Variants in DGKH observed in about 807,000 individuals in gnomAD.
The protein encoded by DGKH is diacylglycerol kinase eta.
DGKH carries 90 observed loss-of-function variants against 159.3 expected under a neutral mutation model. That is an observed-to-expected ratio of 0.57 (90% CI 0.48 to 0.67). The LOEUF is 0.67. DGKH is among the 30% of genes least tolerant of loss of function. DGKH has a pLI of 0.00. For synonymous variants in DGKH, 536 were observed against 553.8 expected (o/e 0.97, Z 0.45); for missense variants, 1,181 against 1,506.1 (o/e 0.78, Z 3.57).
At chr13:42,171,572 C>G (rs546625219) in intron 11 of DGKH, among the ~76,000 whole-genome samples, 1 of 152,310 alleles carries the variant, frequency 6.6e-6, no homozygotes, top group East Asian at 1.9e-4. Context: ...ATTTAACTGT[C>G]TTTGACCAGA....
chr13:42,213,444 A>T (rs1343289291), intron 24 of DGKH, among the ~76,000 whole-genome samples: 2 of 152,168 alleles, frequency 1.3e-5, no homozygotes, highest in African/African-American at 4.8e-5. Context: ...TTCAGTAGGC[A>T]ATTAGAAATG....
intron 1 of DGKH, chr13:42,043,620 T>C (rs1381033922): frequency 2.0e-5 from 3 of 152,222 alleles, no homozygotes; most frequent in South Asian, 2.1e-4. Flanking sequence ...GTCAGAGTTA[T>C]GTAAAATTTG....
upstream of DGKH, chr13:42,044,302 C>T (rs1279245712): frequency 2.0e-5 from 2 of 102,028 alleles, no homozygotes; most frequent in African/African-American, 8.3e-5. Flanking sequence ...TTTTCTTTTT[C>T]TTCTTCTTTT....
intron 29 of DGKH, among the ~76,000 whole-genome samples, chr13:42,228,846 T>G (rs901293451): frequency 6.6e-6 from 1 of 152,074 alleles, no homozygotes; most frequent in Admixed American, 6.6e-5. Flanking sequence ...TTTGTACCAG[T>G]TGGGAATTCT....
chr13:42,122,923 C>T (rs146128103), intron 1 of DGKH, among the ~76,000 whole-genome samples: 1 of 152,276 alleles, frequency 6.6e-6, no homozygotes, highest in Non-Finnish European at 1.5e-5. Context: ...ATTATAATTA[C>T]TTTAGCCAAA....
chr13:42,135,491 G>GAAAAAAAAAAAAAAA (rs757279736), intron 3 of DGKH, among the ~76,000 whole-genome samples: 26 of 68,958 alleles, frequency 3.8e-4, no homozygotes, highest in Non-Finnish European at 5.7e-4. Context: ...CCCTGTCTCA[G>GAAAAAAAAAAAAAAA]AAAAAAAAAA....
intron 5 of DGKH, among the ~76,000 whole-genome samples, chr13:42,158,325 A>C (rs1362816642): frequency 1.3e-5 from 2 of 152,242 alleles, no homozygotes; most frequent in Admixed American, 1.3e-4. Context: ...CACTTACCTT[A>C]GTATGTTTCC....
At chr13:42,192,297 T>G (rs1471293539) in intron 16 of DGKH, among the ~76,000 whole-genome samples, 1 of 152,210 alleles carries the variant, frequency 6.6e-6, no homozygotes, top group Non-Finnish European at 1.5e-5. Context: ...CCACTCACTT[T>G]CAATACATCC....
intron 20 of DGKH, among the ~76,000 whole-genome samples, chr13:42,202,305 C>G (rs561719953): frequency 1.3e-5 from 2 of 152,162 alleles, no homozygotes; most frequent in East Asian, 3.8e-4. Flanking sequence ...ATTCATTTTT[C>G]TGATGATGGT....
At chr13:42,167,370 T>A (rs1212493892) in intron 9 of DGKH, among the ~76,000 whole-genome samples, 1 of 152,224 alleles carries the variant, frequency 6.6e-6, no homozygotes, top group African/African-American at 2.4e-5. Context: ...CACCATTACC[T>A]TAAAGCATGA....
intron 11 of DGKH, among the ~76,000 whole-genome samples, chr13:42,171,939 C>T (rs1176056495): frequency 6.0e-5 from 9 of 150,756 alleles, no homozygotes; most frequent in Non-Finnish European, 2.9e-5. Flanking sequence ...ACGCCATTCT[C>T]CTGCCTCAGC....
Position 42,210,707 on chromosome 13 carries a change from A to G in DGKH, c.2956A>G (p.Thr986Ala). The change falls in exon 24 of 30, where the codon ACA (threonine) becomes GCA (alanine). Residue 986 changes from threonine to alanine, a missense_variant. Coordinates refer to ENST00000337343, the MANE Select transcript of DGKH (RefSeq NM_178009.5). Reference sequence around the variant, plus strand: ...CATCCATCACGCCATTGACTTGGCAACAGAAGAGGTGTCGCAGATGCAGCT... The same window carrying G: ...CATCCATCACGCCATTGACTTGGCAGCAGAAGAGGTGTCGCAGATGCAGCT... ...LYIHHAIDLA[T>A]EEVSQMQLCS... 6.2e-7 allele frequency: 1 copy of G among 1,612,344 alleles called. No homozygotes were observed. The highest frequency in any genetic ancestry group is 8.5e-7 in the Non-Finnish European group (1 of 1,179,948).
At position 42,233,624 on chromosome 13, in the gene DGKH, C is replaced by T. The variant is rs1035890860; in HGVS notation, c.*4436C>T. The T allele has an allele frequency of 1.3e-5, 2 of 152,192 alleles. No homozygotes were observed. Among genetic ancestry groups the T allele is most frequent in the African/African-American group, 4.8e-5 (2 of 41,428 alleles). 9.4% of individuals were successfully genotyped at this position (152,192 alleles called of 1,614,324 possible). On this transcript the variant is annotated 3_prime_UTR_variant, in exon 30 of 30. Transcript: ENST00000337343. ...TGGTTCTAGATGAGCCCTACCTACC[C>T]AGTGGTTGTATTTTTGTAGCCAGTG...
At chr13:42,083,078 C>T (rs904433726) in intron 1 of DGKH, among the ~76,000 whole-genome samples, 2 of 152,086 alleles carry the variant, frequency 1.3e-5, no homozygotes, top group African/African-American at 2.4e-5. Context: ...TAGTAACTGA[C>T]TTGAAAGTAT....
intron 26 of DGKH, among the ~76,000 whole-genome samples, chr13:42,217,909 C>G (rs1957844246): frequency 6.6e-6 from 1 of 152,136 alleles, no homozygotes; most frequent in Non-Finnish European, 1.5e-5. Flanking sequence ...TGGCATGCGC[C>G]TGTAAACCCA....
intron 12 of DGKH, 60 bp from the exon 13 acceptor site, chr13:42,178,075 A>C (rs1201497729): frequency 3.1e-6 from 4 of 1,303,624 alleles, no homozygotes; most frequent in Admixed American, 2.0e-5. Context: ...TGGAGCAGCA[A>C]TAAGTGAGTT....
At chr13:42,127,394 T>C (rs1033736247) in intron 1 of DGKH, 69 bp from the exon 2 acceptor site, 25 of 1,104,066 alleles carry the variant, frequency 2.3e-5, no homozygotes, top group Non-Finnish European at 3.2e-5. Context: ...AAATGCACCA[T>C]TGGCTCTGAA....
intron 1 of DGKH, among the ~76,000 whole-genome samples, chr13:42,051,564 A>G (rs999321731): frequency 6.6e-6 from 1 of 152,046 alleles, no homozygotes. Context: ...GAAAAAGACA[A>G]ATACTTTCTG....
intron 1 of DGKH, among the ~76,000 whole-genome samples, chr13:42,056,448 G>A (rs1390368267): frequency 6.6e-6 from 1 of 152,086 alleles, no homozygotes; most frequent in Non-Finnish European, 1.5e-5. Flanking sequence ...TTAAATACAA[G>A]CTTGGTGCAT....
Sources: allele counts gnomAD v4.1 joint callset (sites outside exome capture counted in the v4.1 genomes callset), GRCh38; gene constraint gnomAD v4.1.1; transcripts MANE v1.5; gene names NCBI Gene and HGNC (gene_info 2026-07-23, HGNC 2026-07-21).